ZNF423: variants seen among roughly 807,000 people sequenced by gnomAD.
ZNF423 encodes the protein zinc finger protein 423.
Under a neutral mutation model 95.8 loss-of-function variants are expected in ZNF423, and 12 were observed. The observed-to-expected ratio is 0.13, with a 90% CI of 0.08 to 0.20. ZNF423 has a LOEUF of 0.20. Among genes scored for constraint, ZNF423 ranks in the 10% least tolerant of loss-of-function variants. The pLI is 1.00. For missense variants in ZNF423, 1,316 were observed against 1,737.1 expected, an observed-to-expected ratio of 0.76 and a Z score of 4.31; for synonymous variants, 749 against 711.9, an observed-to-expected ratio of 1.05 and a Z score of -0.83.
intron 5 of ZNF423, among the ~76,000 whole-genome samples, chr16:49,533,447 A>T (rs910813615): frequency 6.6e-6 from 1 of 152,188 alleles, no homozygotes; most frequent in African/African-American, 2.4e-5. Flanking sequence ...CTCCTAAGTT[A>T]TAAGTACTTT....
chr16:49,754,103 G>A (rs183714319), intron 2 of ZNF423, among the ~76,000 whole-genome samples: 72 of 151,798 alleles, frequency 4.7e-4, no homozygotes, highest in African/African-American at 1.7e-3. Context: ...CCCAACCCAA[G>A]GCCAGGTCAG....
At chr16:49,651,376 C>T (rs1244188703) in intron 3 of ZNF423, among the ~76,000 whole-genome samples, 1 of 152,134 alleles carries the variant, frequency 6.6e-6, no homozygotes, top group Non-Finnish European at 1.5e-5. Context: ...ACAGACTCTG[C>T]ATCTGGCATG....
chr16:49,713,086 C>T (rs892955730), intron 3 of ZNF423, among the ~76,000 whole-genome samples: 3 of 152,248 alleles, frequency 2.0e-5, no homozygotes, highest in African/African-American at 7.2e-5. Context: ...GACAAATCTG[C>T]TCCTCTGCTC....
intron 3 of ZNF423, among the ~76,000 whole-genome samples, 168 bp from the exon 4 acceptor site, chr16:49,639,042 T>C (rs1322670580): frequency 6.6e-6 from 1 of 152,194 alleles, no homozygotes; most frequent in Non-Finnish European, 1.5e-5. Flanking sequence ...CACCAGGGCC[T>C]TCCTGTCTGC....
intron 3 of ZNF423, among the ~76,000 whole-genome samples, chr16:49,663,045 T>C (rs2030326669): frequency 6.6e-6 from 1 of 152,096 alleles, no homozygotes; most frequent in Admixed American, 6.5e-5. Context: ...GAACTGAGCA[T>C]TATCCAAGCA....
chr16:49,583,952 G>T (rs1970746449), intron 5 of ZNF423, among the ~76,000 whole-genome samples: 1 of 152,246 alleles, frequency 6.6e-6, no homozygotes, highest in Admixed American at 6.5e-5. Flanking sequence ...TCAGGAATGT[G>T]TCAGTCACAG....
At chr16:49,503,515 G>A (rs998106977) in intron 7 of ZNF423, among the ~76,000 whole-genome samples, 2 of 151,734 alleles carry the variant, frequency 1.3e-5, no homozygotes, top group African/African-American at 4.8e-5. Context: ...CAGCACTCCC[G>A]CTATCCAGAG....
chr16:49,798,310 C>A (rs922952036), intron 1 of ZNF423, among the ~76,000 whole-genome samples: 1 of 152,152 alleles, frequency 6.6e-6, no homozygotes, highest in Non-Finnish European at 1.5e-5. Context: ...GAGTTTGAGA[C>A]CAACCTGGCC....
intron 2 of ZNF423, among the ~76,000 whole-genome samples, chr16:49,787,580 T>C (rs1230226775): frequency 6.6e-6 from 1 of 152,152 alleles, no homozygotes; most frequent in East Asian, 1.9e-4. Flanking sequence ...TAAGACTGGC[T>C]GCCCAACTAT....
rs894553797 is a variant in ZNF423, at chr16:49,588,658, A to G, written c.3601+37512T>C. Among the ~76,000 whole-genome samples, 4 of 152,216 alleles carry G rather than the reference A, an allele frequency of 2.6e-5. No individual in the cohort carries two copies. The East Asian group carries it at 7.7e-4, about 29-fold the overall frequency. On this transcript the variant is annotated intron_variant, in intron 5 of 7. Coordinates refer to ENST00000563137, the MANE Select transcript of ZNF423 (RefSeq NM_001379286.1). ...AGCATTTAATCCTAAACTGTTTATAACATGAGATGTTTTACGGTAGCTATG... is the reference window on the plus strand; with the variant it reads ...AGCATTTAATCCTAAACTGTTTATAGCATGAGATGTTTTACGGTAGCTATG...
At chr16:49,498,528 G>A (rs992800338) in intron 7 of ZNF423, among the ~76,000 whole-genome samples, 1 of 152,210 alleles carries the variant, frequency 6.6e-6, no homozygotes, top group African/African-American at 2.4e-5. Context: ...CTGGGCCATG[G>A]GGAGCCATGG....
At chr16:49,815,878 AAAAAT>A (rs1408389069) in intron 1 of ZNF423, among the ~76,000 whole-genome samples, 2 of 61,386 alleles carry the variant, frequency 3.3e-5, no homozygotes. Flanking sequence ...AACAAAAAAA[AAAAAT>A]ATATATATAT....
chr16:49,534,595 C>T (rs1968990512), intron 5 of ZNF423, among the ~76,000 whole-genome samples: 1 of 152,178 alleles, frequency 6.6e-6, no homozygotes, highest in African/African-American at 2.4e-5. Context: ...AAACTCCATG[C>T]TCAGGCCTGG....
chr16:49,661,029 T>G (rs2030192792), intron 3 of ZNF423, among the ~76,000 whole-genome samples: 1 of 152,090 alleles, frequency 6.6e-6, no homozygotes, highest in African/African-American at 2.4e-5. Context: ...AAGACCAGCC[T>G]GGCCAACATG....
chr16:49,607,449 A>T (rs756787874), intron 5 of ZNF423, among the ~76,000 whole-genome samples: 2 of 152,170 alleles, frequency 1.3e-5, no homozygotes, highest in Non-Finnish European at 2.9e-5. Flanking sequence ...GTTTGATGGG[A>T]ATCTAATCCT....
chr16:49,553,454 T>C (rs1163985375), intron 5 of ZNF423, among the ~76,000 whole-genome samples: 5 of 151,808 alleles, frequency 3.3e-5, no homozygotes, highest in African/African-American at 1.2e-4. Context: ...TCAAGAGCTC[T>C]TCCTGCCTCA....
Position 49,649,857 on chromosome 16 carries a change from G to A in ZNF423, c.302-10983C>T, listed in dbSNP as rs75934937. ...AGGTAAGCCAAGGAGCTCCACAAAG[G>A]TGACCAGAAGCTGACATGGCTCTTC... On this transcript the variant is annotated intron_variant, in intron 3 of 7. Coordinates refer to ENST00000563137, the MANE Select transcript of ZNF423 (RefSeq NM_001379286.1). 1.3e-4 allele frequency among the ~76,000 whole-genome samples: 20 copies of A among 152,332 alleles called. No individual in the cohort carries two copies. In the East Asian group the frequency reaches 3.7e-3, roughly 28 times the overall value.
chr16:49,774,340 C>T (rs2034084771), intron 2 of ZNF423, among the ~76,000 whole-genome samples: 1 of 152,122 alleles, frequency 6.6e-6, no homozygotes, highest in Non-Finnish European at 1.5e-5. Flanking sequence ...ACAGGGCACC[C>T]GCCAGACACG....
At chr16:49,842,273 G>C (rs1597056597) in intron 1 of ZNF423, among the ~76,000 whole-genome samples, 1 of 33,276 alleles carries the variant, frequency 3.0e-5, no homozygotes. Context: ...GGAAGGGAGG[G>C]GAGGGGAGGG....
Sources: allele counts gnomAD v4.1 joint callset (sites outside exome capture counted in the v4.1 genomes callset), GRCh38; gene constraint gnomAD v4.1.1; transcripts MANE v1.5; gene names NCBI Gene and HGNC (gene_info 2026-07-23, HGNC 2026-07-21).